The following USH1C variants were observed in gnomAD, a reference collection of about 807,000 sequenced individuals.
The protein encoded by USH1C is harmonin.
In USH1C, 90 loss-of-function variants were observed where a neutral mutation model predicts 119.3. That is an observed-to-expected ratio of 0.75 (90% CI 0.64 to 0.90). The LOEUF is 0.90. Ranked by LOEUF, USH1C falls within the 40% of genes least tolerant of loss-of-function variation. The pLI, the probability that USH1C is intolerant of heterozygous loss-of-function variation, is 0.00. For synonymous variants in USH1C, 465 were observed against 443.3 expected, an observed-to-expected ratio of 1.05 and a Z score of -0.62; for missense variants, 1,165 against 1,167.7, an observed-to-expected ratio of 1.00 and a Z score of 0.03.
chr11:17,526,967 A>T (rs749891982), intron 6 of USH1C, 49 bp downstream of exon 6: 4 of 1,563,362 alleles, frequency 2.6e-6, no homozygotes, highest in Non-Finnish European at 2.6e-6. Flanking sequence ...CTGTACCAGG[A>T]TCCTGGGCCC....
At chr11:17,539,052 C>T (rs772700018) in intron 1 of USH1C, among the ~76,000 whole-genome samples, 3 of 152,216 alleles carry the variant, frequency 2.0e-5, no homozygotes, top group Non-Finnish European at 2.9e-5. Flanking sequence ...CTGCTCCCTG[C>T]TGCCACCCTG....
At chr11:17,539,888 A>G (rs1047695178) in intron 1 of USH1C, among the ~76,000 whole-genome samples, 1 of 139,834 alleles carries the variant, frequency 7.2e-6, no homozygotes, top group Non-Finnish European at 1.5e-5. Context: ...GCTGGAGTGC[A>G]GTGGTGTGAC....
At position 17,527,031 on chromosome 11, in the gene USH1C, A is replaced by G. The variant is rs1850714467; in HGVS notation, c.506T>C (p.Leu169Pro). ...GGCCTCTCACCTTTTCACGGGGATCAGGCCGATGTCTGCGGGAGAAAGGCA... is the reference window on the plus strand; with the variant it reads ...GGCCTCTCACCTTTTCACGGGGATCGGGCCGATGTCTGCGGGAGAAAGGCA... Reference protein sequence around the residue: ...TVSIKVRHIGLIPVKSSPDEP... With the variant: ...TVSIKVRHIGPIPVKSSPDEP... Residue 169 changes from leucine (L) to proline (P), a missense_variant, in exon 6 of 27, where the codon CTG becomes CCG. Physicochemically the swap from Leu to Pro is moderately conservative, Grantham distance 98 (BLOSUM62 -3). Transcript: ENST00000005226. 1.4e-5 allele frequency: 22 copies of G among 1,558,596 alleles called. No individual in the cohort carries two copies. The highest frequency in any genetic ancestry group is 1.7e-5 in the Non-Finnish European group (19 of 1,150,378).
At chr11:17,505,267 C>G (rs548934356) in intron 19 of USH1C, among the ~76,000 whole-genome samples, 2 of 152,350 alleles carry the variant, frequency 1.3e-5, no homozygotes, top group South Asian at 2.1e-4. Flanking sequence ...GGCCAGTTTC[C>G]CATCTGAGGG....
Position 17,527,222 on chromosome 11 carries a change from C to T in USH1C, c.496+1G>A, listed in dbSNP as rs138138689. ...TACTGCCCTGCTCTGGCCTCACTCA[C>T]GTCTCACTTTGATGGACACAGTTTT... On this transcript the variant is annotated splice_donor_variant, in intron 5 of 26. Coordinates refer to ENST00000005226, the MANE Select transcript of USH1C (RefSeq NM_153676.4). LOFTEE classifies it high-confidence loss of function. 106 of 1,499,138 alleles carry T rather than the reference C, an allele frequency of 7.1e-5. No homozygotes were observed. Among genetic ancestry groups the T allele is most frequent in the Non-Finnish European group, 9.2e-5 (102 of 1,105,910 alleles). The allele number at this position is 1,499,138 out of a possible 1,614,324, so 92.9% of individuals were successfully genotyped here.
At chr11:17,521,061 G>A in intron 13 of USH1C, 67 bp from the exon 14 acceptor site, 2 of 1,602,934 alleles carry the variant, frequency 1.2e-6, no homozygotes, top group South Asian at 1.1e-5. Context: ...CTGCATATCG[G>A]AGAGCCCCAG....
rs780428813 is a variant in USH1C at position 17,509,821 on chromosome 11, C to T, written c.1548G>A (p.Pro516=). Reference sequence around the variant, plus strand: ...GGGGAGACACAGAAGGCGGGGGAGGCGGGGGCCCTGTGGTCATCTGGGGGT... The same window carrying T: ...GGGGAGACACAGAAGGCGGGGGAGGTGGGGGCCCTGTGGTCATCTGGGGGT... ...NEISEMTTGP[P]PPPPSVSPLA... is the part of the protein sequence containing the mutation. Residue 516 remains proline (P), a synonymous_variant, in exon 18 of 27, where the codon CCG becomes CCA. Coordinates refer to ENST00000005226, the MANE Select transcript of USH1C (RefSeq NM_153676.4). The T allele has an allele frequency of 1.5e-5, 23 of 1,565,912 alleles. No homozygotes were observed. Among genetic ancestry groups the T allele is most frequent in the Middle Eastern group, 1.7e-4 (1 of 5,916 alleles).
intron 23 of USH1C, 124 bp downstream of exon 23, chr11:17,500,927 G>A (rs775850780): frequency 3.2e-5 from 26 of 804,274 alleles, no homozygotes; most frequent in African/African-American, 8.5e-5. Flanking sequence ...GGATGGACCC[G>A]AGTGGGAGGG....
chr11:17,494,147 T>C lies in USH1C; in HGVS notation c.*185A>G, dbSNP rs147350505. 1.0e-5 allele frequency: 7 copies of C among 688,718 alleles called. No homozygotes were observed. The highest frequency in any genetic ancestry group is 7.3e-5 in the Admixed American group (3 of 41,256). The allele number at this position is 688,718 out of a possible 1,614,324, so 42.7% of individuals were successfully genotyped here. ...GGCTGGCTGCTCCCTTTCCTCCACG[T>C]TGGCCTTCAGAAGAGTGGCCCGAGC... On this transcript the variant is annotated 3_prime_UTR_variant, in exon 27 of 27. Transcript: ENST00000005226.
intron 20 of USH1C, among the ~76,000 whole-genome samples, chr11:17,503,189 A>G (rs1420767571): frequency 1.3e-5 from 2 of 152,168 alleles, no homozygotes; most frequent in African/African-American, 4.8e-5. Context: ...TGGGCAGCAG[A>G]CAGAGGAGGG....
chr11:17,529,438 A>C (rs1308745417), intron 4 of USH1C, among the ~76,000 whole-genome samples: 1 of 152,224 alleles, frequency 6.6e-6, no homozygotes, highest in East Asian at 1.9e-4. Flanking sequence ...TCTTTAGCCC[A>C]GCCGGGCTGT....
At chr11:17,501,915 C>A (rs1464062911) in intron 21 of USH1C, 24 bp downstream of exon 21, 1 of 1,612,688 alleles carries the variant, frequency 6.2e-7, no homozygotes, top group Non-Finnish European at 8.5e-7. Flanking sequence ...GTTACTTGTC[C>A]AGGAGAGAAG....
rs981109314 is a variant in USH1C at position 17,493,941 on chromosome 11, T to C, written c.*391A>G. ...TTTATTAATGAGCTCAGAGTAAGGT[T>C]TGGAGTGACAATCCTGGCAGCAATT... On this transcript the variant is annotated 3_prime_UTR_variant, in exon 27 of 27. Transcript: ENST00000005226. The C allele has an allele frequency of 6.4e-6, 2 of 313,270 alleles. No homozygotes were observed. Among genetic ancestry groups the C allele is most frequent in the Non-Finnish European group, 1.2e-5 (2 of 161,404 alleles). 19.4% of individuals were successfully genotyped at this position (313,270 alleles called of 1,614,324 possible). A position where few individuals can be genotyped will look rare whatever the true frequency, so the allele number is the denominator to read the frequency against.
intron 4 of USH1C, among the ~76,000 whole-genome samples, chr11:17,529,164 G>A (rs1435538365): frequency 6.6e-6 from 1 of 152,238 alleles, no homozygotes; most frequent in Non-Finnish European, 1.5e-5. Context: ...CACAAAGGCA[G>A]CTGTCCATGT....
At chr11:17,502,716 G>A (rs887838138) in intron 20 of USH1C, among the ~76,000 whole-genome samples, 2 of 152,232 alleles carry the variant, frequency 1.3e-5, no homozygotes, top group African/African-American at 2.4e-5. Flanking sequence ...AAACAAGACA[G>A]TGAGGTGGCA....
At chr11:17,517,333 G>T in intron 14 of USH1C, 1 of 1,491,378 alleles carries the variant, frequency 6.7e-7, no homozygotes, top group Non-Finnish European at 9.1e-7. Flanking sequence ...TGTCTGCACT[G>T]CGGTCAGGAG....
chr11:17,524,553 T>C lies in USH1C; in HGVS notation c.675-18A>G, dbSNP rs1183410562. 46 of 1,553,572 alleles carry C rather than the reference T, an allele frequency of 3.0e-5. No homozygotes were observed. Among genetic ancestry groups the C allele is most frequent in the Non-Finnish European group, 3.9e-5 (45 of 1,147,840 alleles). On this transcript the variant is annotated intron_variant, in intron 8 of 26. Coordinates refer to ENST00000005226, the MANE Select transcript of USH1C (RefSeq NM_153676.4). ...TGGAAATGCTGCGGGAGGTGGGAAATGTGTGCTCGGGATTCAGGTAACCCA... is the reference window on the plus strand; with the variant it reads ...TGGAAATGCTGCGGGAGGTGGGAAACGTGTGCTCGGGATTCAGGTAACCCA...
At chr11:17,505,580 G>A (rs899992821) in intron 19 of USH1C, among the ~76,000 whole-genome samples, 6 of 152,212 alleles carry the variant, frequency 3.9e-5, no homozygotes, top group Non-Finnish European at 7.3e-5. Context: ...AGGTCGTAGC[G>A]ATCATTATTA....
rs554535734 is a variant in USH1C at position 17,536,487 on chromosome 11, C to G, written c.37-3165G>C. ...CCTTCCCTGGGCCAAGCACAGATCA[C>G]TTGGAGATGGTCTTGGTGGAAAGGA... On this transcript the variant is annotated intron_variant, in intron 1 of 26. Transcript: ENST00000005226. Among the ~76,000 whole-genome samples the G allele has an allele frequency of 3.3e-5, 5 of 152,312 alleles. No homozygotes were observed. The South Asian group carries it at 8.3e-4, about 25-fold the overall frequency.
Sources: gnomAD v4.1 joint callset for allele counts (sites outside exome capture counted in the v4.1 genomes callset) on GRCh38, gnomAD v4.1.1 for gene constraint, MANE v1.5 for transcripts, NCBI Gene and HGNC (gene_info 2026-07-23, HGNC 2026-07-21) for gene names.